Variants in CADM2 observed in about 807,000 individuals in gnomAD.
CADM2 encodes immunoglobulin superfamily member 4D.
In CADM2, 12 loss-of-function variants were observed where a neutral mutation model predicts 49.8. The ratio of observed to expected loss-of-function variants is 0.24; its 90% CI spans 0.15 to 0.39. The LOEUF is 0.39. Ranked by LOEUF, CADM2 falls within the 10% of genes least tolerant of loss-of-function variation. CADM2 has a pLI of 1.00. For missense variants in CADM2, 378 were observed against 492.3 expected (o/e 0.77, Z 2.20); for synonymous variants, 214 against 175.4 (o/e 1.22, Z -1.74).
At chr3:85,884,353 C>G (rs1713256347) in intron 4 of CADM2, among the ~76,000 whole-genome samples, 1 of 152,162 alleles carries the variant, frequency 6.6e-6, no homozygotes. Flanking sequence ...GTTAATCCAG[C>G]TAGTGAATTG....
At chr3:85,714,604 T>A (rs2067224256) in intron 1 of CADM2, among the ~76,000 whole-genome samples, 1 of 149,762 alleles carries the variant, frequency 6.7e-6, no homozygotes, top group South Asian at 2.1e-4. Flanking sequence ...TTTTTTTGTA[T>A]TTTTTTTAGT....
At chr3:85,619,873 A>G (rs887897205) in intron 1 of CADM2, among the ~76,000 whole-genome samples, 1 of 152,170 alleles carries the variant, frequency 6.6e-6, no homozygotes, top group African/African-American at 2.4e-5. Context: ...GAGCAAAGAG[A>G]ATTTGTAATT....
intron 1 of CADM2, among the ~76,000 whole-genome samples, chr3:85,129,494 T>C (rs2039155018): frequency 6.6e-6 from 1 of 152,244 alleles, no homozygotes; most frequent in Non-Finnish European, 1.5e-5. Context: ...CTGAAACTTT[T>C]GTGTCACATT....
At chr3:85,384,671 A>ATGTG (rs372405205) in intron 1 of CADM2, among the ~76,000 whole-genome samples, 134 of 148,656 alleles carry the variant, frequency 9.0e-4, no homozygotes, top group African/African-American at 1.7e-3. Context: ...GTCAAAAAAA[A>ATGTG]TGTGTGTGTG....
At chr3:85,562,328 A>C (rs2062117264) in intron 1 of CADM2, among the ~76,000 whole-genome samples, 1 of 151,926 alleles carries the variant, frequency 6.6e-6, no homozygotes, top group Non-Finnish European at 1.5e-5. Flanking sequence ...AAAATACAAA[A>C]TTAGCTGGGC....
At chr3:86,045,166 C>G (rs910749599) in intron 8 of CADM2, among the ~76,000 whole-genome samples, 3 of 151,842 alleles carry the variant, frequency 2.0e-5, no homozygotes, top group Non-Finnish European at 4.4e-5. Flanking sequence ...GTGTAACTAA[C>G]CTGCACATTG....
chr3:85,541,104 A>T (rs946121815), intron 1 of CADM2, among the ~76,000 whole-genome samples: 3 of 151,078 alleles, frequency 2.0e-5, no homozygotes, highest in Non-Finnish European at 4.4e-5. Context: ...TTATAATAAA[A>T]TATAATCTAA....
chr3:85,513,536 A>C (rs1482388965), intron 1 of CADM2, among the ~76,000 whole-genome samples: 1 of 152,012 alleles, frequency 6.6e-6, no homozygotes, highest in East Asian at 1.9e-4. Context: ...CTTTTACCCA[A>C]ACAAGTAAAA....
At chr3:85,354,632 G>GAGAGAGAGAGAGAGAGAGAGAGAC (rs1318974365) in intron 1 of CADM2, among the ~76,000 whole-genome samples, 1 of 150,794 alleles carries the variant, frequency 6.6e-6, no homozygotes, top group Non-Finnish European at 1.5e-5. Context: ...GAGAGAGAGA[G>GAGAGAGAGAGAGAGAGAGAGAGAC]AGAGAGAGAG....
In CADM2 at chr3:85,065,595, A is replaced by G. The variant is rs1291876608; in HGVS notation, c.61+105927A>G. Among the ~76,000 whole-genome samples, 3 of 152,222 alleles carry G rather than the reference A, an allele frequency of 2.0e-5. No homozygotes were observed. The East Asian group carries it at 5.8e-4, about 29-fold the overall frequency. ...ACACACAGAATGCTTTCAAAGCATT[A>G]GAAGATCTAAATAAGATTTTTCCAG... On this transcript the variant is annotated intron_variant, in intron 1 of 9. Transcript: ENST00000383699.
intron 1 of CADM2, among the ~76,000 whole-genome samples, chr3:85,216,783 C>T (rs1021812713): frequency 6.6e-6 from 1 of 152,022 alleles, no homozygotes; most frequent in Admixed American, 6.6e-5. Context: ...CTATTTGCAT[C>T]ATTATGTAAT....
intron 8 of CADM2, among the ~76,000 whole-genome samples, chr3:86,041,613 A>G (rs1442364373): frequency 6.6e-6 from 1 of 152,134 alleles, no homozygotes; most frequent in East Asian, 1.9e-4. Context: ...AGAGACTTAG[A>G]CTCCCACACA....
intron 1 of CADM2, among the ~76,000 whole-genome samples, chr3:85,681,903 A>G (rs1468168240): frequency 1.3e-5 from 2 of 152,268 alleles, no homozygotes; most frequent in South Asian, 2.1e-4. Context: ...CATTTCACAC[A>G]GATAGCTTGT....
intron 1 of CADM2, among the ~76,000 whole-genome samples, chr3:85,541,600 A>G (rs1407843103): frequency 6.7e-6 from 1 of 150,048 alleles, no homozygotes; most frequent in African/African-American, 2.4e-5. Flanking sequence ...CACTCATTGT[A>G]TAACCTAGGG....
At chr3:85,963,815 A>C (rs111308474) in intron 8 of CADM2, among the ~76,000 whole-genome samples, 14 of 151,872 alleles carry the variant, frequency 9.2e-5, no homozygotes, top group African/African-American at 3.4e-4. Context: ...TACTTCCCTA[A>C]GCACTTTGTG....
intron 1 of CADM2, among the ~76,000 whole-genome samples, chr3:85,698,534 T>A (rs1333772137): frequency 6.6e-6 from 1 of 152,008 alleles, no homozygotes; most frequent in Admixed American, 6.6e-5. Flanking sequence ...AAACTTACAA[T>A]CATAGGAGAA....
intron 1 of CADM2, among the ~76,000 whole-genome samples, chr3:85,571,398 A>G (rs1036113519): frequency 7.6e-6 from 1 of 132,226 alleles, no homozygotes; most frequent in Admixed American, 8.4e-5. Context: ...TGCAATTATA[A>G]TTGTCCAGAT....
At chr3:85,121,279 C>T (rs1298816674) in intron 1 of CADM2, among the ~76,000 whole-genome samples, 2 of 152,096 alleles carry the variant, frequency 1.3e-5, no homozygotes, top group Non-Finnish European at 2.9e-5. Flanking sequence ...TATATGCTGC[C>T]GGTTTTTCAT....
rs1329299446 is a variant in CADM2, at chr3:85,002,849, G to C, written c.61+43181G>C. On this transcript the variant is annotated intron_variant, in intron 1 of 9. Transcript: ENST00000383699. ...TGCTCAGGATGGAGTGCTATGGTGT[G>C]ATCACAGCTCACTATAGCCTTGAAC... Among the ~76,000 whole-genome samples, 5 of 152,158 alleles carry C rather than the reference G, an allele frequency of 3.3e-5. No individual in the cohort carries two copies. In the East Asian group the frequency reaches 9.7e-4, roughly 29 times the overall value.
Sources: gnomAD v4.1 joint callset for allele counts (sites outside exome capture counted in the v4.1 genomes callset) on GRCh38, gnomAD v4.1.1 for gene constraint, MANE v1.5 for transcripts, NCBI Gene and HGNC (gene_info 2026-07-23, HGNC 2026-07-21) for gene names.